ILF2: variants seen among roughly 807,000 people sequenced by gnomAD.
ILF2 encodes interleukin enhancer-binding factor 2.
In ILF2, 9 loss-of-function variants were observed where a neutral mutation model predicts 55.3. The observed-to-expected ratio is 0.16, with a 90% CI of 0.10 to 0.28. The LOEUF (loss-of-function observed/expected upper bound fraction) is 0.28, where lower values mean the gene tolerates loss of function less well. Among genes scored for constraint, ILF2 ranks in the 10% least tolerant of loss-of-function variants. ILF2 has a pLI of 1.00. For synonymous variants in ILF2, 151 were observed against 161.8 expected (o/e 0.93, Z 0.50); for missense variants, 266 against 474.9 (o/e 0.56, Z 4.09).
At position 153,663,220 on chromosome 1, in the gene ILF2, T is replaced by C. The variant is rs1669218730; in HGVS notation, c.801A>G (p.Ala267=). ...PTRQPLALNV[A]YRRCLQILAA... ...AAACCCAAAGCATGCTGTACCTGTATGCAACGTTTAGGGCCAAAGGCTGTC... is the reference window on the plus strand; with the variant it reads ...AAACCCAAAGCATGCTGTACCTGTACGCAACGTTTAGGGCCAAAGGCTGTC... The change falls in exon 11 of 14, where the codon GCA becomes GCG. Residue 267 remains alanine, a synonymous_variant. Transcript: ENST00000361891. 4.3e-6 allele frequency: 7 copies of C among 1,614,098 alleles called. No individual in the cohort carries two copies. Among genetic ancestry groups the C allele is most frequent in the Non-Finnish European group, 5.9e-6 (7 of 1,180,028 alleles).
At position 153,665,355 on chromosome 1, in the gene ILF2, C is replaced by CA. The variant is rs1571335195; in HGVS notation, c.461-20dup. ...GTTAAAACTGAAAAAACAGAATAAACAAAAACTATAACTCACATTTCCATT... is the reference window on the plus strand; with the variant it reads ...GTTAAAACTGAAAAAACAGAATAAACAAAAAACTATAACTCACATTTCCATT... On this transcript the variant is annotated intron_variant, in intron 7 of 13. Transcript: ENST00000361891. 5 of 1,469,760 alleles carry CA rather than the reference C, an allele frequency of 3.4e-6. No individual in the cohort carries two copies. The highest frequency in any genetic ancestry group is 4.8e-6 in the Non-Finnish European group (5 of 1,049,662). The allele number at this position is 1,469,760 out of a possible 1,614,324, so 91.0% of individuals were successfully genotyped here. A position where few individuals can be genotyped will look rare whatever the true frequency, so the allele number is the denominator to read the frequency against.
intron 8 of ILF2, 146 bp from the exon 9 acceptor site, chr1:153,664,620 C>G: frequency 3.0e-6 from 2 of 668,098 alleles, no homozygotes; most frequent in Non-Finnish European, 5.3e-6. Flanking sequence ...CGTACAGTGG[C>G]GTGATCTCAG....
At chr1:153,663,709 G>A (rs1480396120) in intron 10 of ILF2, among the ~76,000 whole-genome samples, 1 of 150,864 alleles carries the variant, frequency 6.6e-6, no homozygotes, top group Non-Finnish European at 1.5e-5. Flanking sequence ...TGAAATGGCT[G>A]CTCACTCATT....
At chr1:153,667,383 C>G (rs575561802) in intron 6 of ILF2, 172 bp downstream of exon 6, 14 of 644,348 alleles carry the variant, frequency 2.2e-5, no homozygotes, top group African/African-American at 2.2e-4. Context: ...GAGGCTAAGG[C>G]GGGAAGATCA....
chr1:153,670,355 A>G (rs1204726857), intron 1 of ILF2, 125 bp from the exon 2 acceptor site: 1 of 852,232 alleles, frequency 1.2e-6, no homozygotes, highest in East Asian at 2.6e-5. Flanking sequence ...TCACACTTAC[A>G]CTTGTCCCCA....
At position 153,663,264 on chromosome 1, in the gene ILF2, C is replaced by T; in HGVS notation, c.757G>A (p.Val253Met). Residue 253 changes from valine (V) to methionine (M), a missense_variant, in exon 11 of 14, where the codon GTG (valine) becomes ATG (methionine). Physicochemically the swap from Val to Met is conservative, Grantham distance 21 (BLOSUM62 1). Coordinates refer to ENST00000361891, the MANE Select transcript of ILF2 (RefSeq NM_004515.4). ...WILDLLGHYAVMNNPTRQPLA... is the reference protein window; with the variant it reads ...WILDLLGHYAMMNNPTRQPLA... ...GGCTGTCTGGTGGGGTTGTTCATCA[C>T]AGCATAATGGCCCTGAAAAATAATA... 1.2e-6 allele frequency: 2 copies of T among 1,614,200 alleles called. No individual in the cohort carries two copies. Among genetic ancestry groups the T allele is most frequent in the Non-Finnish European group, 1.7e-6 (2 of 1,180,016 alleles).
chr1:153,663,916 T>C, intron 10 of ILF2, 127 bp downstream of exon 10: 1 of 481,472 alleles, frequency 2.1e-6, no homozygotes, highest in Non-Finnish European at 3.7e-6. Flanking sequence ...AAAATTTCTT[T>C]TAAGCTTCAC....
intron 12 of ILF2, 72 bp from the exon 13 acceptor site, chr1:153,662,867 C>T: frequency 7.1e-7 from 1 of 1,408,792 alleles, no homozygotes; most frequent in Non-Finnish European, 1.0e-6. Context: ...CTTCTGAAAA[C>T]AGAGATTAAG....
At position 153,664,464 on chromosome 1, in the gene ILF2, T is replaced by C. The variant is rs1013069502; in HGVS notation, c.588A>G (p.Lys196=). ...KLDPELHLDI[K]VLQSALAAIR... The stretch of plus-strand genomic sequence containing the variant: ...TGGCTGCTAAGGCACTCTGCAATAC[T>C]TTGATATCCACTAAAAAGACAAGCA... The change falls in exon 9 of 14, where the codon AAA becomes AAG. Residue 196 remains lysine, a synonymous_variant. Coordinates refer to ENST00000361891, the MANE Select transcript of ILF2 (RefSeq NM_004515.4). The C allele has an allele frequency of 6.2e-7, 1 of 1,613,000 alleles. No individual in the cohort carries two copies. Among genetic ancestry groups the C allele is most frequent in the Non-Finnish European group, 8.5e-7 (1 of 1,178,988 alleles).
rs144344844 is a variant in ILF2 at position 153,664,046 on chromosome 1, T to C, written c.741A>G (p.Leu247=). Residue 247 remains leucine (L), a synonymous_variant, in exon 10 of 14, where the codon CTA becomes CTG. Coordinates refer to ENST00000361891, the MANE Select transcript of ILF2 (RefSeq NM_004515.4). The part of the protein sequence containing the change: ...FEPLTPWILD[L]LGHYAVMNNP... ...CCAATTGCCCATCTTTACTTACTAG[T>C]AGGTCAAGGATCCAGGGTGTGAGGG... 35 of 1,603,858 alleles carry C rather than the reference T, an allele frequency of 2.2e-5. No homozygotes were observed. In the African/African-American group the frequency reaches 4.3e-4, roughly 20 times the overall value.
At chr1:153,665,605 C>A (rs763679348) in intron 7 of ILF2, 58 bp downstream of exon 7, 52 of 1,363,352 alleles carry the variant, frequency 3.8e-5, no homozygotes, top group Non-Finnish European at 5.4e-5. Flanking sequence ...AGTGTACTTA[C>A]AATTACAAGA....
intron 6 of ILF2, 21 bp from the exon 7 acceptor site, chr1:153,665,749 T>A (rs1669290875): frequency 1.3e-6 from 2 of 1,575,470 alleles, no homozygotes; most frequent in African/African-American, 1.4e-5. Context: ...GAAAATGACA[T>A]AATGTTATAA....
rs1244417348 is a variant in ILF2, at chr1:153,670,923, G to A, written c.-1C>T. The A allele has an allele frequency of 6.2e-6, 10 of 1,614,062 alleles. No individual in the cohort carries two copies. Among genetic ancestry groups the A allele is most frequent in the South Asian group, 5.5e-5 (5 of 91,092 alleles). ...GACCGCTTCGACCCACTTACCTCAT[G>A]GCGCCTTAAAACACGAACAATGGAG... On this transcript the variant is annotated 5_prime_UTR_variant, in exon 1 of 14. Transcript: ENST00000361891.
chr1:153,663,170 C>T (rs770250367), intron 11 of ILF2, 37 bp from the exon 12 acceptor site: 11 of 1,613,706 alleles, frequency 6.8e-6, no homozygotes, highest in Non-Finnish European at 9.3e-6. Context: ...TAAAGGAATG[C>T]ACAAAATAGT....
At chr1:153,667,912 G>T in intron 5 of ILF2, 88 bp downstream of exon 5, 1 of 949,946 alleles carries the variant, frequency 1.1e-6, no homozygotes, top group South Asian at 1.5e-5. Context: ...TTGGATAATA[G>T]ACAACTGAAA....
At chr1:153,665,782 T>G (rs1158299194) in intron 6 of ILF2, 54 bp from the exon 7 acceptor site, 9 of 1,349,252 alleles carry the variant, frequency 6.7e-6, no homozygotes, top group African/African-American at 1.4e-5. Flanking sequence ...CTAGACTTTC[T>G]ATGTATCTCT....
intron 10 of ILF2, 88 bp downstream of exon 10, chr1:153,663,955 G>A: frequency 1.6e-6 from 1 of 615,416 alleles, no homozygotes; most frequent in Non-Finnish European, 2.6e-6. Context: ...GAATTTCAGA[G>A]TTACTACTAC....
intron 8 of ILF2, among the ~76,000 whole-genome samples, chr1:153,664,710 C>T (rs1310380771): frequency 6.6e-6 from 1 of 152,178 alleles, no homozygotes; most frequent in Non-Finnish European, 1.5e-5. Flanking sequence ...CAGGTAACCG[C>T]CATCATGCCC....
At chr1:153,669,097 TA>T (rs1669383086) in intron 3 of ILF2, among the ~76,000 whole-genome samples, 1 of 152,028 alleles carries the variant, frequency 6.6e-6, no homozygotes, top group African/African-American at 2.4e-5. Context: ...TAATCCCAAC[TA>T]CTCAGGAGGC....
Sources: gnomAD v4.1 joint callset for allele counts (sites outside exome capture counted in the v4.1 genomes callset) on GRCh38, gnomAD v4.1.1 for gene constraint, MANE v1.5 for transcripts, NCBI Gene and HGNC (gene_info 2026-07-23, HGNC 2026-07-21) for gene names.